SLC24A3: variants seen among roughly 807,000 people sequenced by gnomAD.
SLC24A3 encodes sodium/potassium/calcium exchanger 3.
In SLC24A3, 28 loss-of-function variants were observed where a neutral mutation model predicts 75.8. The ratio of observed to expected loss-of-function variants is 0.37; its 90% CI spans 0.27 to 0.51. The LOEUF (loss-of-function observed/expected upper bound fraction) is 0.51, where lower values mean the gene tolerates loss of function less well. Among genes scored for constraint, SLC24A3 ranks in the 20% least tolerant of loss-of-function variants. The pLI is 0.94. For synonymous variants in SLC24A3, 372 were observed against 334.1 expected (o/e 1.11, Z -1.24); for missense variants, 663 against 847.8 (o/e 0.78, Z 2.71).
intron 2 of SLC24A3, among the ~76,000 whole-genome samples, chr20:19,457,204 T>A (rs1392124427): frequency 1.3e-5 from 2 of 152,202 alleles, no homozygotes; most frequent in Non-Finnish European, 2.9e-5. Flanking sequence ...TCATATTTTA[T>A]GACCAGTCTT....
intron 2 of SLC24A3, among the ~76,000 whole-genome samples, chr20:19,467,876 G>GT: frequency 7.3e-6 from 1 of 136,932 alleles, no homozygotes; most frequent in Non-Finnish European, 1.5e-5. Context: ...GTGGGACCCT[G>GT]TCTCAAAAAA....
chr20:19,522,940 C>G (rs373850852), intron 3 of SLC24A3, among the ~76,000 whole-genome samples: 2 of 152,074 alleles, frequency 1.3e-5, no homozygotes, highest in African/African-American at 4.8e-5. Context: ...TTTAAAATCT[C>G]TTTTACCAAT....
intron 2 of SLC24A3, among the ~76,000 whole-genome samples, chr20:19,497,719 T>C (rs1988316344): frequency 6.6e-6 from 1 of 152,156 alleles, no homozygotes; most frequent in African/African-American, 2.4e-5. Flanking sequence ...AGCCTCAGTT[T>C]CCCACTCTGT....
At chr20:19,267,615 T>C (rs1020128691) in intron 1 of SLC24A3, among the ~76,000 whole-genome samples, 2 of 152,246 alleles carry the variant, frequency 1.3e-5, no homozygotes, top group African/African-American at 4.8e-5. Flanking sequence ...GTAATTTTGA[T>C]TCCAAATTTT....
intron 2 of SLC24A3, among the ~76,000 whole-genome samples, chr20:19,391,111 C>T (rs1280082401): frequency 6.6e-6 from 1 of 152,252 alleles, no homozygotes; most frequent in Non-Finnish European, 1.5e-5. Context: ...CATCACTGCT[C>T]ACGTGGCATT....
At chr20:19,451,660 G>C (rs1475144276) in intron 2 of SLC24A3, among the ~76,000 whole-genome samples, 6 of 152,230 alleles carry the variant, frequency 3.9e-5, no homozygotes. Flanking sequence ...GGTAGGACTG[G>C]AAGATTCTCA....
chr20:19,434,017 C>T (rs1987151918), intron 2 of SLC24A3, among the ~76,000 whole-genome samples: 1 of 152,158 alleles, frequency 6.6e-6, no homozygotes, highest in Non-Finnish European at 1.5e-5. Flanking sequence ...CTCCCTATCT[C>T]TAGGAGCTGG....
Position 19,280,971 on chromosome 20 carries a change from T to C in SLC24A3, c.155T>C (p.Met52Thr). The C allele has an allele frequency of 6.2e-7, 1 of 1,613,780 alleles. No individual in the cohort carries two copies. Among genetic ancestry groups the C allele is most frequent in the South Asian group, 1.1e-5 (1 of 91,034 alleles). Residue 52 changes from methionine to threonine, a missense_variant, in exon 2 of 17, where the codon ATG becomes ACG. Physicochemically the swap from Met to Thr is moderately conservative, Grantham distance 81. Coordinates refer to ENST00000328041, the MANE Select transcript of SLC24A3 (RefSeq NM_020689.4). The stretch of plus-strand genomic sequence containing the variant: ...TTTGTCTCCCCAGAGCTTGACCTCA[T>C]GGACCTCGTAGGGGAAGACAGAAAG... ...SLREQKELDL[M>T]DLVGEDRKWM... is the part of the protein sequence containing the mutation.
chr20:19,441,466 A>G (rs757393319), intron 2 of SLC24A3, among the ~76,000 whole-genome samples: 2 of 152,196 alleles, frequency 1.3e-5, no homozygotes, highest in Non-Finnish European at 2.9e-5. Context: ...TTAGACCTCC[A>G]GGGAACAGAA....
At chr20:19,397,647 C>CTTTTTTTTTTTTTTTT (rs3057518) in intron 2 of SLC24A3, among the ~76,000 whole-genome samples, 33 of 117,070 alleles carry the variant, frequency 2.8e-4, no homozygotes, top group Non-Finnish European at 4.4e-4. Flanking sequence ...TTTTTCTTTT[C>CTTTTTTTTTTTTTTTT]TTTTTTTTTT....
intron 2 of SLC24A3, among the ~76,000 whole-genome samples, chr20:19,459,817 C>G (rs868078494): frequency 6.6e-6 from 1 of 152,190 alleles, no homozygotes; most frequent in African/African-American, 2.4e-5. Flanking sequence ...CTCCCACCCC[C>G]ATTTGGACCA....
chr20:19,628,119 G>T (rs532921643), intron 6 of SLC24A3, among the ~76,000 whole-genome samples: 17 of 146,492 alleles, frequency 1.2e-4, no homozygotes, highest in Non-Finnish European at 8.9e-5. Context: ...CAGGAGAATC[G>T]CTTGAACCCA....
intron 2 of SLC24A3, among the ~76,000 whole-genome samples, chr20:19,449,841 T>C (rs1987450988): frequency 6.6e-6 from 1 of 152,208 alleles, no homozygotes; most frequent in South Asian, 2.1e-4. Context: ...CAATAGAGTG[T>C]TCATTCCAGA....
At chr20:19,676,818 G>T (rs1430434153) in intron 9 of SLC24A3, among the ~76,000 whole-genome samples, 1 of 152,154 alleles carries the variant, frequency 6.6e-6, no homozygotes, top group African/African-American at 2.4e-5. Context: ...TCTAGGATTT[G>T]TTCCCCAGAT....
chr20:19,653,249 C>A (rs6136803), intron 6 of SLC24A3, among the ~76,000 whole-genome samples: 15,192 of 152,272 alleles, frequency 0.1, 1,039 homozygotes, highest in South Asian at 0.25. Context: ...TTGCACCTAG[C>A]AGCCCCCTCC....
chr20:19,388,409 G>A (rs1262784821), intron 2 of SLC24A3, among the ~76,000 whole-genome samples: 2 of 152,196 alleles, frequency 1.3e-5, no homozygotes, highest in East Asian at 1.9e-4. Context: ...TATTTTGTCT[G>A]ATATAAGTAT....
At chr20:19,294,227 TTTAA>T (rs1481536450) in intron 2 of SLC24A3, among the ~76,000 whole-genome samples, 2 of 152,346 alleles carry the variant, frequency 1.3e-5, no homozygotes, top group East Asian at 1.9e-4. Context: ...ATCAAACCAT[TTTAA>T]TTAATTACTC....
chr20:19,286,672 C>G (rs1481033960), intron 2 of SLC24A3, among the ~76,000 whole-genome samples: 1 of 152,234 alleles, frequency 6.6e-6, no homozygotes, highest in Non-Finnish European at 1.5e-5. Flanking sequence ...GAGGTCTGCA[C>G]AATCTCGAGT....
intron 2 of SLC24A3, among the ~76,000 whole-genome samples, chr20:19,458,203 G>T (rs1240864607): frequency 6.6e-6 from 1 of 151,996 alleles, no homozygotes; most frequent in Non-Finnish European, 1.5e-5. Context: ...ACACACGTAC[G>T]TCTATGTTCA....
Sources: gnomAD v4.1 joint callset for allele counts (sites outside exome capture counted in the v4.1 genomes callset) on GRCh38, gnomAD v4.1.1 for gene constraint, MANE v1.5 for transcripts, NCBI Gene and HGNC (gene_info 2026-07-23, HGNC 2026-07-21) for gene names.